Variants in PTK2B observed in about 807,000 individuals in gnomAD.
PTK2B encodes the protein protein-tyrosine kinase 2-beta.
In PTK2B, 71 loss-of-function variants were observed where a neutral mutation model predicts 142.9. That is an observed-to-expected ratio of 0.50 (90% confidence interval 0.41 to 0.61). PTK2B has a LOEUF of 0.61. Among genes scored for constraint, PTK2B ranks in the 20% least tolerant of loss-of-function variants. The probability of loss-of-function intolerance (pLI) is 0.00; values close to 1 mark genes in which losing one functional copy is unlikely to be tolerated. For missense variants in PTK2B, 1,105 were observed against 1,320.4 expected, an observed-to-expected ratio of 0.84 and a Z score of 2.53; for synonymous variants, 519 against 503.4, an observed-to-expected ratio of 1.03 and a Z score of -0.42.
At chr8:27,337,066 C>T (rs1586105192) in intron 1 of PTK2B, among the ~76,000 whole-genome samples, 4 of 150,700 alleles carry the variant, frequency 2.7e-5, no homozygotes, top group South Asian at 2.1e-4. Flanking sequence ...ATTCACATAC[C>T]GTAAAATTCA....
intron 23 of PTK2B, 54 bp from the exon 24 acceptor site, chr8:27,445,740 G>T: frequency 1.2e-6 from 2 of 1,606,650 alleles, no homozygotes; most frequent in Non-Finnish European, 8.5e-7. Flanking sequence ...GCAGCTAATT[G>T]TCTACCTTCT....
intron 1 of PTK2B, among the ~76,000 whole-genome samples, chr8:27,384,518 T>C (rs886605265): frequency 2.6e-5 from 4 of 152,238 alleles, no homozygotes; most frequent in Admixed American, 1.3e-4. Flanking sequence ...CATTTCTTTC[T>C]CTTGCCTAAT....
chr8:27,354,755 G>A (rs77303640), intron 1 of PTK2B, among the ~76,000 whole-genome samples: 2,001 of 152,254 alleles, frequency 0.013, 16 homozygotes, highest in Non-Finnish European at 0.024. Context: ...TTCTATGAAG[G>A]TAAATGAGCT....
At chr8:27,356,075 G>A (rs904119192) in intron 1 of PTK2B, among the ~76,000 whole-genome samples, 23 of 151,900 alleles carry the variant, frequency 1.5e-4, no homozygotes, top group Admixed American at 9.2e-4. Context: ...GTAACACCTT[G>A]GAGCCGTCTG....
rs1382121795 is a variant in PTK2B, at chr8:27,397,740, T to C, written c.156T>C (p.Pro52=). 1.2e-6 allele frequency: 2 copies of C among 1,614,262 alleles called. No homozygotes were observed. Among genetic ancestry groups the C allele is most frequent in the African/African-American group, 2.7e-5 (2 of 75,068 alleles). ...KVCFYSNSFN[P]GKNFKLVKCT... The stretch of plus-strand genomic sequence containing the variant: ...GCTTCTATAGCAACAGCTTCAATCC[T>C]GGGAAAAACTTCAAACTGGTCAAAT... Residue 52 remains proline, a synonymous_variant, in exon 2 of 31, where the codon CCT becomes CCC. Transcript: ENST00000346049.
chr8:27,381,563 C>T lies in PTK2B; in HGVS notation c.-37-15985C>T, dbSNP rs542699336. 1.2e-4 allele frequency among the ~76,000 whole-genome samples: 18 copies of T among 152,320 alleles called. 1 individual carries two copies. Among genetic ancestry groups the T allele is most frequent in the African/African-American group, 4.1e-4 (17 of 41,564 alleles). On this transcript the variant is annotated intron_variant, in intron 1 of 30. Coordinates refer to ENST00000346049, the MANE Select transcript of PTK2B (RefSeq NM_173176.3). ...GCACTCCATCTGTTGATGGGCACTT[C>T]GGTTGATTTCCTGTTTTGGCTATTG...
intron 5 of PTK2B, among the ~76,000 whole-genome samples, chr8:27,424,052 G>A (rs905188850): frequency 6.6e-6 from 1 of 152,114 alleles, no homozygotes; most frequent in African/African-American, 2.4e-5. Context: ...TTCTCAGACT[G>A]CTCGGCTCCT....
At chr8:27,329,458 G>A (rs963269381) in intron 1 of PTK2B, among the ~76,000 whole-genome samples, 2 of 152,106 alleles carry the variant, frequency 1.3e-5, no homozygotes, top group African/African-American at 4.8e-5. Flanking sequence ...AGGGAGGGGA[G>A]GGAGGCTACC....
Position 27,356,653 on chromosome 8 carries a change from G to A in PTK2B, c.-38+30972G>A, listed in dbSNP as rs147172687. 4.4e-3 allele frequency among the ~76,000 whole-genome samples: 664 copies of A among 152,290 alleles called. 5 individuals carry two copies. The highest frequency in any genetic ancestry group is 0.015 in the African/African-American group (612 of 41,562). On this transcript the variant is annotated intron_variant, in intron 1 of 30. Coordinates refer to ENST00000346049, the MANE Select transcript of PTK2B (RefSeq NM_173176.3). ...TTGTCAAAGAGCTGCAGTCAATAGC[G>A]GAAAAACGTAAACAATGCAAATGTC...
At position 27,430,840 on chromosome 8, in the gene PTK2B, G is replaced by A. The variant is rs374135581; in HGVS notation, c.670-36G>A. On this transcript the variant is annotated intron_variant, in intron 7 of 30. Coordinates refer to ENST00000346049, the MANE Select transcript of PTK2B (RefSeq NM_173176.3). The stretch of plus-strand genomic sequence containing the variant: ...AGGGAAGGAGTGAGACCTGGGAGGA[G>A]CAGGCATTGCTCACACGGCCCATCC... 8.1e-6 allele frequency: 13 copies of A among 1,605,272 alleles called. No homozygotes were observed. The South Asian group carries it at 8.9e-5, about 11-fold the overall frequency.
At chr8:27,334,715 G>GT (rs1803953023) in intron 1 of PTK2B, among the ~76,000 whole-genome samples, 1 of 152,202 alleles carries the variant, frequency 6.6e-6, no homozygotes, top group Admixed American at 6.5e-5. Flanking sequence ...CTCACACGGA[G>GT]TGAGCCAGAC....
intron 12 of PTK2B, 34 bp downstream of exon 12, chr8:27,434,166 G>C: frequency 1.9e-6 from 3 of 1,608,056 alleles, no homozygotes; most frequent in Non-Finnish European, 2.6e-6. Flanking sequence ...ACAGGGCCCT[G>C]AGCTCAGCCT....
chr8:27,382,914 G>A (rs1394492832), intron 1 of PTK2B, among the ~76,000 whole-genome samples: 1 of 152,100 alleles, frequency 6.6e-6, no homozygotes, highest in African/African-American at 2.4e-5. Flanking sequence ...TTGTCTGTGT[G>A]TCTGTTTTTA....
chr8:27,359,101 A>G (rs762583144), intron 1 of PTK2B, among the ~76,000 whole-genome samples: 7 of 151,594 alleles, frequency 4.6e-5, no homozygotes, highest in East Asian at 3.9e-4. Flanking sequence ...TTTTTTTTCT[A>G]TTTAGATATT....
intron 2 of PTK2B, among the ~76,000 whole-genome samples, chr8:27,404,435 AC>A (rs1349973365): frequency 6.6e-6 from 1 of 152,008 alleles, no homozygotes; most frequent in African/African-American, 2.4e-5. Flanking sequence ...CTGAAGCATC[AC>A]CCCACTCAGA....
At chr8:27,364,236 G>A (rs1475466620) in intron 1 of PTK2B, among the ~76,000 whole-genome samples, 2 of 152,186 alleles carry the variant, frequency 1.3e-5, no homozygotes, top group South Asian at 2.1e-4. Context: ...CCTTCCATGC[G>A]ATGCACCTCA....
intron 24 of PTK2B, among the ~76,000 whole-genome samples, chr8:27,449,433 T>C (rs1272620275): frequency 6.6e-6 from 1 of 152,256 alleles, no homozygotes; most frequent in African/African-American, 2.4e-5. Context: ...AAGTGTGTTT[T>C]GTAGGGCTTA....
chr8:27,404,664 C>G (rs1403804122), intron 2 of PTK2B, among the ~76,000 whole-genome samples: 1 of 152,202 alleles, frequency 6.6e-6, no homozygotes, highest in Non-Finnish European at 1.5e-5. Flanking sequence ...ATTCAGTGAT[C>G]ATACAATCCC....
intron 1 of PTK2B, among the ~76,000 whole-genome samples, chr8:27,326,279 C>T (rs920787959): frequency 3.3e-5 from 5 of 150,948 alleles, no homozygotes; most frequent in African/African-American, 1.2e-4. Flanking sequence ...ACTGGCCATT[C>T]TGGTATCTTG....
Sources: gnomAD v4.1 joint callset for allele counts (sites outside exome capture counted in the v4.1 genomes callset) on GRCh38, gnomAD v4.1.1 for gene constraint, MANE v1.5 for transcripts, NCBI Gene and HGNC (gene_info 2026-07-23, HGNC 2026-07-21) for gene names.